Variants in DNAH17 observed in about 807,000 individuals in gnomAD.
The protein encoded by DNAH17 is axonemal beta dynein heavy chain 17.
A neutral mutation model predicts 485.6 loss-of-function variants in DNAH17; 376 were observed. The ratio of observed to expected loss-of-function variants is 0.77; its 90% CI spans 0.71 to 0.84. The LOEUF (loss-of-function observed/expected upper bound fraction) is 0.84, where lower values mean the gene tolerates loss of function less well. DNAH17 is among the 40% of genes least tolerant of loss of function. The pLI is 0.00. For synonymous variants in DNAH17, 3,031 were observed against 2,405.9 expected (o/e 1.26, Z -7.60); for missense variants, 6,370 against 5,839.3 (o/e 1.09, Z -2.96).
intron 9 of DNAH17, among the ~76,000 whole-genome samples, chr17:78,567,854 C>T (rs1410586824): frequency 1.3e-5 from 2 of 152,162 alleles, no homozygotes; most frequent in Non-Finnish European, 1.5e-5. Context: ...TCCTGTTTCC[C>T]AAATGAGGTC....
At chr17:78,524,897 C>A in intron 25 of DNAH17, 112 bp downstream of exon 25, 1 of 1,451,860 alleles carries the variant, frequency 6.9e-7, no homozygotes, top group Non-Finnish European at 9.2e-7. Context: ...CACCAGAAAC[C>A]TTCTTGTCAC....
rs114931699 is a variant in DNAH17, at chr17:78,508,099, C to T, written c.4237-294G>A. On this transcript the variant is annotated intron_variant, in intron 27 of 80. Transcript: ENST00000389840. ...CCTAGGCTGAGTGAAAGAAGCCACA[C>T]GCTCAGACCACATAGTGCACGCAAA... Among the ~76,000 whole-genome samples the T allele has an allele frequency of 8.7e-3, 1,331 of 152,302 alleles. 20 individuals carry two copies. Among genetic ancestry groups the T allele is most frequent in the African/African-American group, 0.03 (1,252 of 41,558 alleles).
chr17:78,552,772 G>A lies in DNAH17; in HGVS notation c.2212C>T (p.Leu738=), dbSNP rs1297580828. ...KTIVKAVEFL[L]IKSELEAIDV... ...ATTGCTTCCAGTTCTGACTTTATTA[G>A]TAGAAATTCTACTGCCTTCACTATA... The change falls in exon 15 of 81, where the codon CTA becomes TTA. Residue 738 remains leucine (L), a synonymous_variant. Coordinates refer to ENST00000389840, the MANE Select transcript of DNAH17 (RefSeq NM_173628.4). The A allele has an allele frequency of 1.2e-6, 2 of 1,613,346 alleles. No homozygotes were observed. The highest frequency in any genetic ancestry group is 8.5e-7 in the Non-Finnish European group (1 of 1,179,424).
At position 78,530,660 on chromosome 17, in the gene DNAH17, C is replaced by T. The variant is rs140621150; in HGVS notation, c.3115-148G>A. The T allele has an allele frequency of 1.6e-3, 1,406 of 893,744 alleles. 1 individual carries two copies. The highest frequency in any genetic ancestry group is 2.0e-3 in the Non-Finnish European group (1,198 of 595,846). The allele number at this position is 893,744 out of a possible 1,614,324, so 55.4% of individuals were successfully genotyped here. A position where few individuals can be genotyped will look rare whatever the true frequency, so the allele number is the denominator to read the frequency against. Reference sequence around the variant, plus strand: ...GGGCCAGGGTCAGCAAAGGGCAGTACGGGACACATGGGGGCCCTCATTCCA... The same window carrying T: ...GGGCCAGGGTCAGCAAAGGGCAGTATGGGACACATGGGGGCCCTCATTCCA... On this transcript the variant is annotated intron_variant, in intron 20 of 80. Coordinates refer to ENST00000389840, the MANE Select transcript of DNAH17 (RefSeq NM_173628.4).
chr17:78,561,028 G>T, intron 12 of DNAH17, 93 bp from the exon 13 acceptor site: 1 of 1,241,250 alleles, frequency 8.1e-7, no homozygotes. Flanking sequence ...CTGGGGTGCC[G>T]AAGCGGCCGG....
chr17:78,541,902 G>A (rs144024369), intron 17 of DNAH17, among the ~76,000 whole-genome samples: 40 of 152,196 alleles, frequency 2.6e-4, no homozygotes, highest in African/African-American at 9.2e-4. Context: ...TACTGGCACC[G>A]TGGCAGGGAG....
At chr17:78,551,428 A>C in intron 16 of DNAH17, 107 bp downstream of exon 16, 1 of 971,024 alleles carries the variant, frequency 1.0e-6, no homozygotes, top group Non-Finnish European at 1.6e-6. Flanking sequence ...CTCCCACTGC[A>C]CCCCACACAT....
At chr17:78,566,584 G>C (rs2092270051) in intron 11 of DNAH17, 30 bp downstream of exon 11, 1 of 1,488,952 alleles carries the variant, frequency 6.7e-7, no homozygotes, top group Non-Finnish European at 9.2e-7. Flanking sequence ...CCAGGCTCCA[G>C]ATCTGCCTGC....
chr17:78,425,753 C>A, intron 79 of DNAH17, among the ~76,000 whole-genome samples, 182 bp from the exon 80 acceptor site: 1 of 113,014 alleles, frequency 8.8e-6, no homozygotes, highest in Non-Finnish European at 1.7e-5. Flanking sequence ...ACTTTGGTGT[C>A]TGCTTTTTTT....
At chr17:78,461,367 G>C (rs946654033) in intron 58 of DNAH17, among the ~76,000 whole-genome samples, 177 bp downstream of exon 58, 2 of 152,156 alleles carry the variant, frequency 1.3e-5, no homozygotes, top group African/African-American at 4.8e-5. Context: ...TTCTGAGCGG[G>C]GGCCCTCCCC....
chr17:78,468,979 T>A (rs540240477), intron 54 of DNAH17, 96 bp from the exon 55 acceptor site: 1 of 1,445,736 alleles, frequency 6.9e-7, no homozygotes, highest in Admixed American at 2.3e-5. Context: ...CCATTTTTTC[T>A]TTGAGACGGA....
chr17:78,491,378 C>A (rs955477093), intron 43 of DNAH17, 65 bp downstream of exon 43: 1 of 1,573,556 alleles, frequency 6.4e-7, no homozygotes, highest in Admixed American at 1.8e-5. Context: ...GTAGGCGCCT[C>A]CCTGTGAGCC....
In DNAH17 at chr17:78,501,994, A is replaced by G. The variant is rs566341500; in HGVS notation, c.5191-121T>C. The G allele has an allele frequency of 3.5e-6, 5 of 1,432,708 alleles. No homozygotes were observed. In the East Asian group the frequency reaches 7.0e-5, roughly 20 times the overall value. 88.7% of individuals were successfully genotyped at this position (1,432,708 alleles called of 1,614,324 possible). On this transcript the variant is annotated intron_variant, in intron 33 of 80. Transcript: ENST00000389840. ...CCATGCTTTTGTTTACAGTAATGAA[A>G]AACAAGAGCGCCCTCGGTAGGCCCC...
intron 55 of DNAH17, 49 bp from the exon 56 acceptor site, chr17:78,466,865 G>C (rs2088492108): frequency 6.8e-7 from 1 of 1,476,658 alleles, no homozygotes; most frequent in Non-Finnish European, 9.0e-7. Flanking sequence ...TGCAGTGCTG[G>C]GGCCTAATCC....
intron 75 of DNAH17, among the ~76,000 whole-genome samples, chr17:78,432,196 AAATAAATAAAAT>A (rs1031516683): frequency 5.4e-5 from 8 of 147,650 alleles, no homozygotes; most frequent in Admixed American, 1.3e-4. Context: ...ATAAATAAAT[AAATAAATAAAAT>A]AAATAAAAAT....
intron 13 of DNAH17, among the ~76,000 whole-genome samples, chr17:78,558,826 C>T (rs983677433): frequency 2.6e-5 from 4 of 152,230 alleles, no homozygotes; most frequent in Non-Finnish European, 5.9e-5. Flanking sequence ...TCCCTTCCAA[C>T]AGTGCTTCTG....
chr17:78,483,583 T>A (rs573583534), intron 48 of DNAH17, among the ~76,000 whole-genome samples: 1 of 151,966 alleles, frequency 6.6e-6, no homozygotes, highest in Non-Finnish European at 1.5e-5. Context: ...TGAGCCAAGA[T>A]CACGCCATTG....
At chr17:78,448,996 T>C (rs2087431776) in intron 69 of DNAH17, among the ~76,000 whole-genome samples, 1 of 152,244 alleles carries the variant, frequency 6.6e-6, no homozygotes, top group South Asian at 2.1e-4. Context: ...AATGCAGATC[T>C]TTAAATATTT....
At chr17:78,567,308 A>C in intron 9 of DNAH17, 142 bp from the exon 10 acceptor site, 1 of 772,588 alleles carries the variant, frequency 1.3e-6, no homozygotes. Context: ...GTGGGAGGAC[A>C]CCCTCTGTGT....
Sources: gnomAD v4.1 joint callset for allele counts (sites outside exome capture counted in the v4.1 genomes callset) on GRCh38, gnomAD v4.1.1 for gene constraint, MANE v1.5 for transcripts, NCBI Gene and HGNC (gene_info 2026-07-23, HGNC 2026-07-21) for gene names.